The following ASAH2 variants were observed in gnomAD, a reference collection of about 807,000 sequenced individuals.
ASAH2 encodes N-acylsphingosine amidohydrolase 2, also known as neutral ceramidase.
Under a neutral mutation model 82.9 loss-of-function variants are expected in ASAH2, and 58 were observed. That is an observed-to-expected ratio of 0.70 (90% CI 0.57 to 0.87). The LOEUF (loss-of-function observed/expected upper bound fraction) is 0.87, where lower values mean the gene tolerates loss of function less well. Ranked by LOEUF, ASAH2 falls within the 40% of genes least tolerant of loss-of-function variation. The pLI is 0.00. For missense variants in ASAH2, 779 were observed against 834.0 expected (o/e 0.93, Z 0.81); for synonymous variants, 276 against 289.7 (o/e 0.95, Z 0.48).
chr10:50,221,108 G>C (rs1845732827), intron 7 of ASAH2, among the ~76,000 whole-genome samples: 1 of 152,126 alleles, frequency 6.6e-6, no homozygotes, highest in East Asian at 1.9e-4. Context: ...AACATTTATT[G>C]GGCTGAAGAT....
At chr10:50,242,511 T>C (rs1846328909) in intron 4 of ASAH2, among the ~76,000 whole-genome samples, 1 of 152,184 alleles carries the variant, frequency 6.6e-6, no homozygotes, top group African/African-American at 2.4e-5. Context: ...ACACATTCTC[T>C]CTTAGTGACC....
intron 14 of ASAH2, 36 bp from the exon 15 acceptor site, chr10:50,203,715 A>G: frequency 1.9e-6 from 3 of 1,600,296 alleles, no homozygotes; most frequent in Non-Finnish European, 2.6e-6. Flanking sequence ...ACGTTTTCCT[A>G]CTAGACGTAT....
intron 7 of ASAH2, among the ~76,000 whole-genome samples, chr10:50,224,995 G>A (rs1845841539): frequency 6.6e-6 from 1 of 152,208 alleles, no homozygotes; most frequent in Admixed American, 6.5e-5. Context: ...CCTGGGACAA[G>A]CATCCTGCAG....
chr10:50,207,633 T>TAA (rs34303021), intron 12 of ASAH2, among the ~76,000 whole-genome samples: 2 of 147,130 alleles, frequency 1.4e-5, no homozygotes, highest in South Asian at 2.1e-4. Context: ...ATAGGCAATC[T>TAA]AAAAAAAAAA....
chr10:50,241,184 C>T (rs1846283751), intron 4 of ASAH2, among the ~76,000 whole-genome samples: 1 of 152,172 alleles, frequency 6.6e-6, no homozygotes, highest in Non-Finnish European at 1.5e-5. Flanking sequence ...CCTTTGCCAT[C>T]ACCTTGATTG....
intron 5 of ASAH2, among the ~76,000 whole-genome samples, chr10:50,235,181 T>C (rs1846125356): frequency 6.6e-6 from 1 of 152,156 alleles, no homozygotes; most frequent in Non-Finnish European, 1.5e-5. Flanking sequence ...CTTTAATACA[T>C]TGAAAGCCTC....
chr10:50,214,211 T>C (rs1241820301), intron 9 of ASAH2, among the ~76,000 whole-genome samples: 5 of 152,142 alleles, frequency 3.3e-5, no homozygotes, highest in African/African-American at 7.2e-5. Flanking sequence ...GGTATGAGAA[T>C]AGTAACTTCT....
intron 7 of ASAH2, among the ~76,000 whole-genome samples, chr10:50,220,574 C>A (rs1025485711): frequency 6.6e-6 from 1 of 151,932 alleles, no homozygotes; most frequent in East Asian, 1.9e-4. Context: ...TAAGTGGGAA[C>A]TGAATAATGA....
At position 50,234,545 on chromosome 10, in the gene ASAH2, T is replaced by G; in HGVS notation, c.695A>C (p.Asp232Ala). ...TGGTTTCATATTTGTGTGTGCTATG[T>G]CAATGCTCTGAAGGTTAAAAAAGAG... The part of the protein sequence containing the change: ...HMVTGILKSI[D>A]IAHTNMKPGK... Residue 232 changes from aspartate (D) to alanine (A), a missense_variant, in exon 6 of 21, where the codon GAC (aspartate) becomes GCC (alanine). By Grantham distance (126) the Asp-to-Ala change is moderately radical. Coordinates refer to ENST00000682911, the MANE Select transcript of ASAH2 (RefSeq NM_019893.4). 1 of 1,612,856 alleles carries G rather than the reference T, an allele frequency of 6.2e-7. No individual in the cohort carries two copies. The highest frequency in any genetic ancestry group is 1.7e-5 in the Admixed American group (1 of 59,940).
chr10:50,234,423 A>C lies in ASAH2; in HGVS notation c.815+2T>G, dbSNP rs1846094390. The C allele has an allele frequency of 6.2e-7, 1 of 1,612,702 alleles. No homozygotes were observed. The highest frequency in any genetic ancestry group is 8.5e-7 in the Non-Finnish European group (1 of 1,179,152). On this transcript the variant is annotated splice_donor_variant, in intron 6 of 20. Coordinates refer to ENST00000682911, the MANE Select transcript of ASAH2 (RefSeq NM_019893.4). LOFTEE classifies it high-confidence loss of function. ...GATTTCATTTTGACGATTCCTCCTC[A>C]CCTTGCTCTCTCTGACTGCGGATTT...
At chr10:50,247,542 T>TC (rs1846496416) in intron 2 of ASAH2, among the ~76,000 whole-genome samples, 1 of 152,032 alleles carries the variant, frequency 6.6e-6, no homozygotes, top group South Asian at 2.1e-4. Context: ...GATCAGAGGA[T>TC]CTCTGATCCT....
chr10:50,203,592 C>T (rs934152164), intron 15 of ASAH2, 48 bp downstream of exon 15: 92 of 954,760 alleles, frequency 9.6e-5, no homozygotes, highest in Non-Finnish European at 1.4e-4. Flanking sequence ...ATACTTTCCT[C>T]TTCACCAAAC....
rs1013658220 is a variant in ASAH2, at chr10:50,189,133, A to G, written c.2153+366T>C. Among the ~76,000 whole-genome samples the G allele has an allele frequency of 2.7e-4, 39 of 146,668 alleles. 2 individuals are homozygous for G. The highest frequency in any genetic ancestry group is 1.0e-3 in the African/African-American group (38 of 37,760). ...GACTCATTTTCCCTATAGAAATATC[A>G]AGCTCTACAGAGACATCTCAACACT... On this transcript the variant is annotated intron_variant, in intron 20 of 20. Coordinates refer to ENST00000682911, the MANE Select transcript of ASAH2 (RefSeq NM_019893.4).
chr10:50,233,405 T>C, intron 6 of ASAH2, 144 bp from the exon 7 acceptor site: 1 of 663,572 alleles, frequency 1.5e-6, no homozygotes, highest in Non-Finnish European at 2.7e-6. Context: ...GTGAACTGTA[T>C]CCAGTACCTC....
intron 4 of ASAH2, among the ~76,000 whole-genome samples, chr10:50,239,642 T>A (rs2133229210): frequency 6.6e-6 from 1 of 152,224 alleles, no homozygotes; most frequent in Non-Finnish European, 1.5e-5. Context: ...GATAAGTTAC[T>A]TGGCCCTCTG....
chr10:50,220,461 A>T (rs1355578612), intron 7 of ASAH2, among the ~76,000 whole-genome samples: 2 of 150,308 alleles, frequency 1.3e-5, no homozygotes, highest in African/African-American at 4.9e-5. Context: ...GAACATTATG[A>T]ATATGTCCTT....
At chr10:50,216,036 T>G (rs1245794862) in intron 8 of ASAH2, among the ~76,000 whole-genome samples, 4 of 152,000 alleles carry the variant, frequency 2.6e-5, no homozygotes, top group Admixed American at 2.0e-4. Flanking sequence ...CTGGAAACCA[T>G]CATTCTCAGC....
chr10:50,234,572 G>A lies in ASAH2; in HGVS notation c.688-20C>T. Reference sequence around the variant, plus strand: ...AATGCTCTGAAGGTTAAAAAAGAGGGGGATGTTATAAGCTTAGAAATCCTG... The same window carrying A: ...AATGCTCTGAAGGTTAAAAAAGAGGAGGATGTTATAAGCTTAGAAATCCTG... On this transcript the variant is annotated intron_variant, in intron 5 of 20. Transcript: ENST00000682911. 6.2e-7 allele frequency: 1 copy of A among 1,612,434 alleles called. No homozygotes were observed. Among genetic ancestry groups the A allele is most frequent in the Non-Finnish European group, 8.5e-7 (1 of 1,178,762 alleles).
At position 50,204,897 on chromosome 10, in the gene ASAH2, C is replaced by T; in HGVS notation, c.1589G>A (p.Gly530Glu). 1.2e-6 allele frequency: 2 copies of T among 1,611,786 alleles called. No individual in the cohort carries two copies. Among genetic ancestry groups the T allele is most frequent in the Non-Finnish European group, 1.7e-6 (2 of 1,178,812 alleles). The change falls in exon 14 of 21, where the codon GGG (glycine) becomes GAG (glutamate). Residue 530 changes from glycine to glutamate, a missense_variant. Transcript: ENST00000682911. ...GGGGATGGCAGTTATGGCCAAGGACCCAAGGGTAATAATCTGAACATCAAC... is the reference window on the plus strand; with the variant it reads ...GGGGATGGCAGTTATGGCCAAGGACTCAAGGGTAATAATCTGAACATCAAC... ...DIVDVQIITL[G>E]SLAITAIPGE...
Sources: gnomAD v4.1 joint callset for allele counts (sites outside exome capture counted in the v4.1 genomes callset) on GRCh38, gnomAD v4.1.1 for gene constraint, MANE v1.5 for transcripts, NCBI Gene and HGNC (gene_info 2026-07-23, HGNC 2026-07-21) for gene names.